The following SF3A1 variants were observed in gnomAD, a reference collection of about 807,000 sequenced individuals.
The protein encoded by SF3A1 is splicing factor 3a subunit 1, also known as SAP 114.
In SF3A1, 13 loss-of-function variants were observed where a neutral mutation model predicts 89.9. That is an observed-to-expected ratio of 0.14 (90% CI 0.09 to 0.23). SF3A1 has a LOEUF of 0.23. Ranked by LOEUF, SF3A1 falls within the 10% of genes least tolerant of loss-of-function variation. The probability of loss-of-function intolerance (pLI) is 1.00; values close to 1 mark genes in which losing one functional copy is unlikely to be tolerated. For synonymous variants in SF3A1, 405 were observed against 374.4 expected (o/e 1.08, Z -0.94); for missense variants, 604 against 1,022.1 (o/e 0.59, Z 5.58).
chr22:30,336,965 C>A, intron 13 of SF3A1, 61 bp downstream of exon 13: 2 of 1,599,834 alleles, frequency 1.3e-6, no homozygotes, highest in East Asian at 2.2e-5. Flanking sequence ...CGCAAGTGTA[C>A]GACAGGGGCG....
At chr22:30,354,677 C>A (rs757523641) in intron 1 of SF3A1, among the ~76,000 whole-genome samples, 1 of 152,202 alleles carries the variant, frequency 6.6e-6, no homozygotes, top group African/African-American at 2.4e-5. Flanking sequence ...TCATCTCTAA[C>A]CTCTTTCCTC....
intron 1 of SF3A1, among the ~76,000 whole-genome samples, chr22:30,355,561 C>G (rs1297358161): frequency 4.6e-5 from 7 of 152,170 alleles, no homozygotes; most frequent in Non-Finnish European, 1.0e-4. Context: ...TTAAAACACT[C>G]CCTTTTCTTC....
At chr22:30,344,749 T>C (rs1931366708) in intron 4 of SF3A1, among the ~76,000 whole-genome samples, 184 bp downstream of exon 4, 1 of 152,216 alleles carries the variant, frequency 6.6e-6, no homozygotes, top group Non-Finnish European at 1.5e-5. Context: ...GCAGTCTGTG[T>C]TGCACTTAAA....
At chr22:30,356,042 C>T (rs541525663) in intron 1 of SF3A1, among the ~76,000 whole-genome samples, 1 of 152,258 alleles carries the variant, frequency 6.6e-6, no homozygotes, top group African/African-American at 2.4e-5. Flanking sequence ...GTACCTGAAA[C>T]TTCTATCACA....
intron 2 of SF3A1, among the ~76,000 whole-genome samples, chr22:30,350,948 A>C (rs185259521): frequency 1.3e-3 from 205 of 152,378 alleles, no homozygotes; most frequent in African/African-American, 4.9e-3. Flanking sequence ...TAATACTCAA[A>C]GGTAATCAAA....
intron 15 of SF3A1, 123 bp from the exon 16 acceptor site, chr22:30,334,818 A>G: frequency 1.5e-6 from 1 of 652,310 alleles, no homozygotes; most frequent in East Asian, 3.2e-5. Context: ...AGCTTGTGAG[A>G]AGGTAGGGTG....
chr22:30,332,203 ATTAATT>A lies in SF3A1; in HGVS notation c.*2385_*2390del, dbSNP rs1316984020. 5.9e-5 allele frequency: 9 copies of A among 152,352 alleles called. No individual in the cohort carries two copies. Among genetic ancestry groups the A allele is most frequent in the East Asian group, 1.9e-4 (1 of 5,192 alleles). The allele number at this position is 152,352 out of a possible 1,614,324, so 9.4% of individuals were successfully genotyped here. A position where few individuals can be genotyped will look rare whatever the true frequency, so the allele number is the denominator to read the frequency against. On this transcript the variant is annotated 3_prime_UTR_variant, in exon 16 of 16. Coordinates refer to ENST00000215793, the MANE Select transcript of SF3A1 (RefSeq NM_005877.6). ...TTAATATATTCTCTAATACAATATT[ATTAATT>A]TTAAAGTAAAATGGTTCTGATCATT...
intron 2 of SF3A1, among the ~76,000 whole-genome samples, chr22:30,348,589 C>T (rs942430449): frequency 1.3e-5 from 2 of 152,144 alleles, no homozygotes; most frequent in African/African-American, 2.4e-5. Flanking sequence ...CACTAGTGAT[C>T]GACACCCAGG....
Position 30,344,852 on chromosome 22 carries a change from A to G in SF3A1, c.651+81T>C, listed in dbSNP as rs1931370718. ...ATGGAGAAGCGATGTCCTTGTAGAC[A>G]GTGAGTGGACACAGTGCTTCCAAGC... On this transcript the variant is annotated intron_variant, in intron 4 of 15. Transcript: ENST00000215793. 5 of 1,503,598 alleles carry G rather than the reference A, an allele frequency of 3.3e-6. No individual in the cohort carries two copies. The South Asian group carries it at 4.9e-5, about 15-fold the overall frequency. The allele number at this position is 1,503,598 out of a possible 1,614,324, so 93.1% of individuals were successfully genotyped here. A position where few individuals can be genotyped will look rare whatever the true frequency, so the allele number is the denominator to read the frequency against.
At chr22:30,335,411 T>C (rs1931034252) in intron 15 of SF3A1, 56 bp downstream of exon 15, 7 of 1,439,176 alleles carry the variant, frequency 4.9e-6, no homozygotes, top group Non-Finnish European at 5.9e-6. Flanking sequence ...ATTTAGCTTC[T>C]GTGAAAGCAG....
Position 30,337,874 on chromosome 22 carries a change from T to C in SF3A1, c.1767A>G (p.Thr589=), listed in dbSNP as rs770124441. The stretch of plus-strand genomic sequence containing the variant: ...GCATGACGGGTACTGCGGAGACAAC[T>C]GTAGTACGAACTGGAGGTGGCATCT... ...PPTMPPPVRT[T]VVSAVPVMPR... Residue 589 remains threonine (T), a synonymous_variant, in exon 12 of 16, where the codon ACA becomes ACG. Coordinates refer to ENST00000215793, the MANE Select transcript of SF3A1 (RefSeq NM_005877.6). 4.4e-6 allele frequency: 7 copies of C among 1,607,134 alleles called. No individual in the cohort carries two copies. Among genetic ancestry groups the C allele is most frequent in the African/African-American group, 2.7e-5 (2 of 74,836 alleles).
chr22:30,353,038 G>A lies in SF3A1; in HGVS notation c.98C>T (p.Ser33Phe), dbSNP rs1284188994. The change falls in exon 2 of 16, where the codon TCT becomes TTT. Residue 33 changes from serine (S) to phenylalanine (F), a missense_variant. Physicochemically the swap from Ser to Phe is radical, Grantham distance 155. Around this residue, in one of 9 missense-constraint regions of SF3A1, gnomAD observed 9 missense variants for 48.6 expected, o/e 0.19. Coordinates refer to ENST00000215793, the MANE Select transcript of SF3A1 (RefSeq NM_005877.6). ...TEEEASSKED[S>F]APSKPVVGII... ...CCCCACAACTGGCTTAGAAGGTGCA[G>A]AATCCTCCTTTGAAGATGCTTCTTC... The A allele has an allele frequency of 6.2e-7, 1 of 1,614,066 alleles. No homozygotes were observed. Among genetic ancestry groups the A allele is most frequent in the Non-Finnish European group, 8.5e-7 (1 of 1,180,012 alleles).
chr22:30,352,878 C>G (rs1411051724), intron 2 of SF3A1, 73 bp downstream of exon 2: 3 of 1,575,856 alleles, frequency 1.9e-6, no homozygotes, highest in Non-Finnish European at 2.6e-6. Context: ...CTTTAAAAAC[C>G]CTTGTGCTGA....
chr22:30,341,988 CTATCTCCAGA>C, intron 6 of SF3A1, 103 bp from the exon 7 acceptor site: 1 of 1,284,238 alleles, frequency 7.8e-7, no homozygotes, highest in Non-Finnish European at 1.1e-6. Flanking sequence ...TTCTCTCCAG[CTATCTCCAGA>C]GGCCCATCTA....
chr22:30,343,542 T>C (rs149940402), intron 4 of SF3A1, among the ~76,000 whole-genome samples: 121 of 152,296 alleles, frequency 7.9e-4, no homozygotes, highest in African/African-American at 2.8e-3. Context: ...CCTATCCCAA[T>C]CCTCCTTCCA....
chr22:30,354,428 G>A (rs1487986379), intron 1 of SF3A1, among the ~76,000 whole-genome samples: 1 of 152,146 alleles, frequency 6.6e-6, no homozygotes, highest in Non-Finnish European at 1.5e-5. Flanking sequence ...ATTCTTGCCT[G>A]TCTTCCCATC....
intron 2 of SF3A1, chr22:30,352,721 C>T: frequency 2.4e-6 from 1 of 408,790 alleles, no homozygotes. Flanking sequence ...GTTTTAGAAG[C>T]AGAGGCTCCT....
chr22:30,339,326 T>G, intron 9 of SF3A1, 75 bp from the exon 10 acceptor site: 1 of 1,582,656 alleles, frequency 6.3e-7, no homozygotes, highest in Non-Finnish European at 8.6e-7. Context: ...GAGCAGCTTT[T>G]CTGGTGTGCA....
intron 1 of SF3A1, among the ~76,000 whole-genome samples, chr22:30,355,667 C>A (rs897221025): frequency 6.6e-6 from 1 of 152,200 alleles, no homozygotes; most frequent in East Asian, 1.9e-4. Flanking sequence ...TTCATTTACT[C>A]TTGATCAGAG....
Sources: gnomAD v4.1 joint callset for allele counts (sites outside exome capture counted in the v4.1 genomes callset) on GRCh38, gnomAD v4.1.1 for gene constraint, gnomAD v4.1.1 regional missense constraint, MANE v1.5 for transcripts, NCBI Gene and HGNC (gene_info 2026-07-23, HGNC 2026-07-21) for gene names.